Variants in MYOM1 observed in about 807,000 individuals in gnomAD.
The protein encoded by MYOM1 is myomesin 1, also known as myomesin-1.
A neutral mutation model predicts 205.3 loss-of-function variants in MYOM1; 164 were observed. That is an observed-to-expected ratio of 0.80 (90% CI 0.70 to 0.91). The LOEUF (loss-of-function observed/expected upper bound fraction) is 0.91, where lower values mean the gene tolerates loss of function less well. MYOM1 is among the 40% of genes least tolerant of loss of function. MYOM1 has a pLI of 0.00. For missense variants in MYOM1, 2,011 were observed against 2,127.3 expected, an observed-to-expected ratio of 0.95 and a Z score of 1.08; for synonymous variants, 772 against 789.4, an observed-to-expected ratio of 0.98 and a Z score of 0.37.
the MYOM1 span, among the ~76,000 whole-genome samples, chr18:3,228,097 T>G: frequency 1.3e-5 from 2 of 152,134 alleles, no homozygotes; most frequent in Non-Finnish European, 2.9e-5. The surrounding 1 kb of genome is among the most constrained non-coding windows in gnomAD (Gnocchi z 4.5). Context: ...GCAAGAGCAG[T>G]GGCCAAGTGT....
Position 3,152,304 on chromosome 18 carries a change from A to G in MYOM1, c.1644-411T>C, listed in dbSNP as rs115238473. Among the ~76,000 whole-genome samples, 2,022 of 152,276 alleles carry G rather than the reference A, an allele frequency of 0.013. 35 individuals carry two copies. Among genetic ancestry groups the G allele is most frequent in the African/African-American group, 0.045 (1,849 of 41,530 alleles). On this transcript the variant is annotated intron_variant, in intron 11 of 37. Transcript: ENST00000356443. This position sits in a 1 kb window ranked among gnomAD's most constrained non-coding sequence, Gnocchi z 4.3. ...TTTAGGTATTTTCTTTGAAAAACAG[A>G]GGTATTATTGAGAAAATTGGCGTCT...
rs115832266 is a variant in MYOM1 at position 3,199,075 on chromosome 18, C to T, written c.291-5117G>A. Among the ~76,000 whole-genome samples the T allele has an allele frequency of 9.3e-3, 1,413 of 152,292 alleles. 32 individuals carry two copies. The highest frequency in any genetic ancestry group is 0.032 in the African/African-American group (1,333 of 41,570). The stretch of plus-strand genomic sequence containing the variant: ...AGAACAAACAAACAACTGAACTTCA[C>T]GTATGAGCAGGGTGTCATTCCTGCC... On this transcript the variant is annotated intron_variant, in intron 2 of 37. Coordinates refer to ENST00000356443, the MANE Select transcript of MYOM1 (RefSeq NM_003803.4).
At chr18:3,110,831 T>C (rs1337970435) in intron 22 of MYOM1, among the ~76,000 whole-genome samples, 1 of 151,476 alleles carries the variant, frequency 6.6e-6, no homozygotes, top group East Asian at 2.0e-4. Context: ...TGAGTCCAGA[T>C]AGCAGTATTT....
At chr18:3,113,210 ATATATATATACACACATG>A (rs1484866555) in intron 21 of MYOM1, among the ~76,000 whole-genome samples, 180 of 4,562 alleles carry the variant, frequency 0.039, no homozygotes, top group East Asian at 0.056. Flanking sequence ...ACACACATGT[ATATATATATACACACATG>A]TATATATATA....
rs367903122 is a variant in MYOM1, at chr18:3,154,984, C to T, written c.1606G>A (p.Asp536Asn). 117 of 1,612,722 alleles carry T rather than the reference C, an allele frequency of 7.3e-5. No homozygotes were observed. Among genetic ancestry groups the T allele is most frequent in the African/African-American group, 6.7e-5 (5 of 74,910 alleles). ...IIISWKQPAV[D>N]GGSPILGYFI... Reference sequence around the variant, plus strand: ...TATCCGAGAATAGGACTCCCTCCATCGACAGCTGGCTGTTTCCAGGAGATG... The same window carrying T: ...TATCCGAGAATAGGACTCCCTCCATTGACAGCTGGCTGTTTCCAGGAGATG... Residue 536 changes from aspartate to asparagine, a missense_variant, in exon 11 of 38, where the codon GAT (aspartate) becomes AAT (asparagine). By Grantham distance (23) the Asp-to-Asn change is conservative. Transcript: ENST00000356443.
chr18:3,102,734 A>C, intron 22 of MYOM1, 104 bp from the exon 23 acceptor site: 1 of 1,216,668 alleles, frequency 8.2e-7, no homozygotes, highest in Non-Finnish European at 1.1e-6. Context: ...TAGGGCCCTG[A>C]TCCTAGGTCA....
At chr18:3,119,220 T>C (rs1567915762) in intron 20 of MYOM1, among the ~76,000 whole-genome samples, 1 of 152,114 alleles carries the variant, frequency 6.6e-6, no homozygotes, top group Non-Finnish European at 1.5e-5. Flanking sequence ...CCAGGAAATT[T>C]CTTTTGGCTC....
chr18:3,137,566 A>C (rs138641221), intron 14 of MYOM1, among the ~76,000 whole-genome samples: 1 of 152,332 alleles, frequency 6.6e-6, no homozygotes, highest in East Asian at 1.9e-4. Flanking sequence ...AGTCAGGCAC[A>C]TAAAGACAAA....
upstream of MYOM1, among the ~76,000 whole-genome samples, chr18:3,222,042 T>C (rs12457589): frequency 6.8e-3 from 1,039 of 152,320 alleles, 44 homozygotes; most frequent in Admixed American, 0.06. Context: ...AATAAACTTA[T>C]ATGCTTTTTA....
rs770872722 is a variant in MYOM1, at chr18:3,174,121, T to G, written c.1110A>C (p.Lys370Asn). ...ELSAYASVVV[K>N]RYKGEFDETR... ...AGAAAACAAATCTAGCAAACCTACT[T>G]TTTACCACAACTGAAGCATATGCCG... Residue 370 changes from lysine (K) to asparagine (N), a missense_variant and splice_region_variant, in exon 7 of 38, where the codon AAA (lysine) becomes AAC (asparagine). Physicochemically the swap from Lys to Asn is moderately conservative, Grantham distance 94. Coordinates refer to ENST00000356443, the MANE Select transcript of MYOM1 (RefSeq NM_003803.4). The G allele has an allele frequency of 1.2e-6, 2 of 1,613,962 alleles. No homozygotes were observed. Among genetic ancestry groups the G allele is most frequent in the Non-Finnish European group, 1.7e-6 (2 of 1,179,864 alleles).
intron 26 of MYOM1, among the ~76,000 whole-genome samples, chr18:3,092,891 C>T (rs191690907): frequency 9.7e-4 from 147 of 152,282 alleles, no homozygotes; most frequent in Middle Eastern, 3.4e-3. Flanking sequence ...CATGTATGCA[C>T]GCTTGAACAC....
the MYOM1 span, among the ~76,000 whole-genome samples, chr18:3,227,961 AT>A: frequency 6.6e-4 from 5 of 7,538 alleles, no homozygotes; most frequent in South Asian, 0.01. Flanking sequence ...TTTTACCACA[AT>A]TTTTTAAAAA....
chr18:3,185,226 C>T (rs1463983786), intron 5 of MYOM1, among the ~76,000 whole-genome samples: 1 of 152,172 alleles, frequency 6.6e-6, no homozygotes, highest in Admixed American at 6.5e-5. Context: ...ACACCATCAG[C>T]GGTATGTGGC....
At chr18:3,160,992 G>A (rs2080383100) in intron 10 of MYOM1, among the ~76,000 whole-genome samples, 1 of 152,158 alleles carries the variant, frequency 6.6e-6, no homozygotes, top group African/African-American at 2.4e-5. Context: ...GCATGACAAA[G>A]GTTTTTGGAA....
chr18:3,127,992 A>G (rs1270550857), intron 18 of MYOM1, among the ~76,000 whole-genome samples: 1 of 152,222 alleles, frequency 6.6e-6, no homozygotes, highest in East Asian at 1.9e-4. Flanking sequence ...ACAGTTTTCA[A>G]TGAAGAGAGG....
intron 13 of MYOM1, among the ~76,000 whole-genome samples, chr18:3,142,769 T>C (rs1046654371): frequency 9.2e-5 from 14 of 152,124 alleles, no homozygotes; most frequent in African/African-American, 1.4e-4. Flanking sequence ...GGCTCAGATA[T>C]GAAAATAAGC....
Position 3,188,875 on chromosome 18 carries a change from G to A in MYOM1, c.644C>T (p.Thr215Met), listed in dbSNP as rs2230165. The A allele has an allele frequency of 0.058, 94,262 of 1,612,858 alleles. 3,226 individuals carry two copies. Among genetic ancestry groups the A allele is most frequent in the African/African-American group, 0.14 (10,121 of 74,622 alleles). ...GGAAACCACAGACTGCCTGGATGCC[G>A]TGGACTGCCTGGATGCCGTGGACTG... is the stretch of plus-strand genomic sequence containing the variant. ...SKQSTASRQS[T>M]ASRQSVVSKQ... The change falls in exon 4 of 38, where the codon ACG (threonine) becomes ATG (methionine). Residue 215 changes from threonine (T) to methionine (M), a missense_variant. Coordinates refer to ENST00000356443, the MANE Select transcript of MYOM1 (RefSeq NM_003803.4).
At chr18:3,207,677 C>T (rs2081141025) in intron 2 of MYOM1, among the ~76,000 whole-genome samples, 2 of 152,234 alleles carry the variant, frequency 1.3e-5, no homozygotes, top group East Asian at 3.8e-4. Context: ...AGTTACACCC[C>T]ACTACCTGGC....
chr18:3,217,886 A>T (rs927406723), intron 1 of MYOM1, among the ~76,000 whole-genome samples: 2 of 152,154 alleles, frequency 1.3e-5, no homozygotes, highest in African/African-American at 2.4e-5. Context: ...GGAGTATGCT[A>T]ATCTTATATA....
Sources: allele counts gnomAD v4.1 joint callset (sites outside exome capture counted in the v4.1 genomes callset), GRCh38; gene constraint gnomAD v4.1.1; non-coding constraint Gnocchi (gnomAD v3.1); transcripts MANE v1.5; gene names NCBI Gene and HGNC (gene_info 2026-07-23, HGNC 2026-07-21).